The following FGF10 variants were observed in gnomAD, a reference collection of about 807,000 sequenced individuals.
FGF10 encodes the protein FGF-10.
In FGF10, 2 loss-of-function variants were observed where a neutral mutation model predicts 19.8. The observed-to-expected ratio is 0.10, with a 90% CI of 0.04 to 0.32. FGF10 has a LOEUF of 0.32. FGF10 is among the 10% of genes least tolerant of loss of function. The pLI, the probability that FGF10 is intolerant of heterozygous loss-of-function variation, is 1.00. For synonymous variants in FGF10, 112 were observed against 94.0 expected (o/e 1.19, Z -1.10); for missense variants, 191 against 246.3 (o/e 0.78, Z 1.50).
At chr5:44,354,205 C>T (rs964015830) in intron 1 of FGF10, among the ~76,000 whole-genome samples, 1 of 150,874 alleles carries the variant, frequency 6.6e-6, no homozygotes, top group Non-Finnish European at 1.5e-5. Context: ...GTAAGTAAAA[C>T]TCTTAAATAG....
chr5:44,318,092 A>G (rs1474364236), intron 1 of FGF10, among the ~76,000 whole-genome samples: 1 of 152,172 alleles, frequency 6.6e-6, no homozygotes, highest in Non-Finnish European at 1.5e-5. Context: ...CAAAAAAACA[A>G]CAACTACTGG....
At chr5:44,311,744 A>G (rs1480662176) in intron 1 of FGF10, among the ~76,000 whole-genome samples, 1 of 152,134 alleles carries the variant, frequency 6.6e-6, no homozygotes, top group Non-Finnish European at 1.5e-5. Flanking sequence ...CAATACATAC[A>G]AATTCCCATT....
chr5:44,345,981 A>G (rs1199261824), intron 1 of FGF10, among the ~76,000 whole-genome samples: 1 of 151,794 alleles, frequency 6.6e-6, no homozygotes, highest in African/African-American at 2.4e-5. Flanking sequence ...TGATGCCCAA[A>G]CATACATCTC....
intron 1 of FGF10, among the ~76,000 whole-genome samples, chr5:44,334,324 C>T (rs557378773): frequency 6.6e-6 from 1 of 152,154 alleles, no homozygotes; most frequent in South Asian, 2.1e-4. Flanking sequence ...CTCATTCTTT[C>T]ATAGAATATT....
chr5:44,369,911 C>A (rs1039248546), intron 1 of FGF10, among the ~76,000 whole-genome samples: 1 of 152,012 alleles, frequency 6.6e-6, no homozygotes, highest in African/African-American at 2.4e-5. Flanking sequence ...CTCAAAAGAC[C>A]TTTGTCCTTT....
intron 1 of FGF10, among the ~76,000 whole-genome samples, chr5:44,347,171 GA>G: frequency 6.6e-6 from 1 of 151,770 alleles, no homozygotes; most frequent in Admixed American, 6.6e-5. Flanking sequence ...TATCCCTCAT[GA>G]AGTTAAGCAT....
intron 1 of FGF10, among the ~76,000 whole-genome samples, chr5:44,355,871 A>G (rs1373922598): frequency 7.9e-5 from 12 of 151,558 alleles, no homozygotes; most frequent in African/African-American, 2.9e-4. Flanking sequence ...CAAATGTTCA[A>G]AGTACATTGC....
Position 44,385,599 on chromosome 5 carries a change from G to C in FGF10, c.325+2759C>G, listed in dbSNP as rs190920417. Among the ~76,000 whole-genome samples the C allele has an allele frequency of 1.4e-4, 21 of 152,260 alleles. No individual in the cohort carries two copies. In the East Asian group the frequency reaches 2.3e-3, roughly 17 times the overall value. ...TCAAAAGAACAGCTTTGTGTATTGA[G>C]AATAATTAATAACTTGTTTAGGAAA... On this transcript the variant is annotated intron_variant, in intron 1 of 2. Transcript: ENST00000264664.
chr5:44,368,753 C>T (rs1741677065), intron 1 of FGF10, among the ~76,000 whole-genome samples: 1 of 152,086 alleles, frequency 6.6e-6, no homozygotes, highest in African/African-American at 2.4e-5. Context: ...ACTGCAGCCT[C>T]ATCCTAAGTG....
chr5:44,371,288 G>A (rs1415228519), intron 1 of FGF10, among the ~76,000 whole-genome samples: 1 of 152,076 alleles, frequency 6.6e-6, no homozygotes, highest in Non-Finnish European at 1.5e-5. Context: ...CCTGCAGAAA[G>A]TCCACAGTAG....
rs150117734 is a variant in FGF10, at chr5:44,334,400, A to G, written c.326-23870T>C. Among the ~76,000 whole-genome samples, 793 of 152,258 alleles carry G rather than the reference A, an allele frequency of 5.2e-3. 1 individual carries two copies. The highest frequency in any genetic ancestry group is 8.6e-3 in the Non-Finnish European group (586 of 68,016). ...AGAAATCTTGAAATCCAAAACCAAC[A>G]TAAAGGCTCTCCCAGGTCACTTAAA... On this transcript the variant is annotated intron_variant, in intron 1 of 2. Coordinates refer to ENST00000264664, the MANE Select transcript of FGF10 (RefSeq NM_004465.2).
intron 1 of FGF10, among the ~76,000 whole-genome samples, chr5:44,385,266 C>T (rs965105655): frequency 6.6e-6 from 1 of 152,052 alleles, no homozygotes; most frequent in Admixed American, 6.6e-5. Flanking sequence ...AGCCCCCCAC[C>T]CTCAAAAATT....
At chr5:44,363,214 G>A (rs1313584105) in intron 1 of FGF10, among the ~76,000 whole-genome samples, 2 of 151,678 alleles carry the variant, frequency 1.3e-5, no homozygotes, top group African/African-American at 4.8e-5. Context: ...CGTTAATACA[G>A]TTTTCAACTT....
At chr5:44,331,312 A>C (rs1249312784) in intron 1 of FGF10, among the ~76,000 whole-genome samples, 3 of 152,092 alleles carry the variant, frequency 2.0e-5, no homozygotes, top group African/African-American at 7.2e-5. Context: ...TTTGCTTAAC[A>C]ATTCAGTCTC....
At chr5:44,351,536 G>A (rs904577857) in intron 1 of FGF10, among the ~76,000 whole-genome samples, 1 of 151,500 alleles carries the variant, frequency 6.6e-6, no homozygotes, top group African/African-American at 2.4e-5. Flanking sequence ...TTAAATGTTA[G>A]ATCAAAAATA....
chr5:44,364,106 G>A (rs1415844164), intron 1 of FGF10, among the ~76,000 whole-genome samples: 1 of 151,776 alleles, frequency 6.6e-6, no homozygotes, highest in Non-Finnish European at 1.5e-5. Flanking sequence ...ACCCATCTGA[G>A]TTACATTTTC....
At chr5:44,386,742 C>T (rs1742105927) in intron 1 of FGF10, among the ~76,000 whole-genome samples, 1 of 152,126 alleles carries the variant, frequency 6.6e-6, no homozygotes, top group South Asian at 2.1e-4. Flanking sequence ...AAAAGCACCT[C>T]TACACGTATT....
chr5:44,305,079 A>C lies in FGF10; in HGVS notation c.543T>G (p.Asn181Lys). 1 of 1,613,978 alleles carries C rather than the reference A, an allele frequency of 6.2e-7. No individual in the cohort carries two copies. The highest frequency in any genetic ancestry group is 8.5e-7 in the Non-Finnish European group (1 of 1,179,910). Residue 181 changes from asparagine to lysine, a missense_variant, in exon 3 of 3, where the codon AAT becomes AAG. Physicochemically the swap from Asn to Lys is moderately conservative, Grantham distance 94. This residue lies in a region of FGF10 where 99 missense variants were observed against 161.7 expected (regional missense o/e 0.61). Transcript: ENST00000264664. ...GTCCTCTCCTTGGAGCTCCTTTTCC[A>C]TTCAATGCCACATACATTTGCCTCC... is the stretch of plus-strand genomic sequence containing the variant. Reference protein sequence around the residue: ...HNGRQMYVALNGKGAPRRGQK... With the variant: ...HNGRQMYVALKGKGAPRRGQK...
chr5:44,334,502 T>TA (rs1414311415), intron 1 of FGF10, among the ~76,000 whole-genome samples: 1 of 152,066 alleles, frequency 6.6e-6, no homozygotes, highest in Non-Finnish European at 1.5e-5. Flanking sequence ...ATTTTTTTTT[T>TA]ATTATACTTT....
Sources: allele counts gnomAD v4.1 joint callset (sites outside exome capture counted in the v4.1 genomes callset), GRCh38; gene constraint gnomAD v4.1.1; regional missense constraint gnomAD v4.1.1; transcripts MANE v1.5; gene names NCBI Gene and HGNC (gene_info 2026-07-23, HGNC 2026-07-21).